ATG7: variants seen among roughly 807,000 people sequenced by gnomAD.
The protein encoded by ATG7 is autophagy related 7, also known as ubiquitin-like modifier-activating enzyme ATG7.
Under a neutral mutation model 82.4 loss-of-function variants are expected in ATG7, and 70 were observed. That is an observed-to-expected ratio of 0.85 (90% CI 0.70 to 1.04). ATG7 has a LOEUF of 1.04. Ranked by LOEUF, ATG7 falls within the 50% of genes least tolerant of loss-of-function variation. ATG7 has a pLI of 0.00. For missense variants in ATG7, 792 were observed against 864.3 expected (o/e 0.92, Z 1.05); for synonymous variants, 287 against 313.0 (o/e 0.92, Z 0.88).
At chr3:11,470,883 T>C (rs1372838366) in intron 20 of ATG7, among the ~76,000 whole-genome samples, 1 of 151,936 alleles carries the variant, frequency 6.6e-6, no homozygotes, top group Non-Finnish European at 1.5e-5. Flanking sequence ...GCCGTATTAC[T>C]CTCGTTCAGT....
the ATG7 span, among the ~76,000 whole-genome samples, chr3:11,563,349 T>C: frequency 3.3e-5 from 5 of 152,240 alleles, no homozygotes; most frequent in Non-Finnish European, 5.9e-5. Context: ...AGCATTACAA[T>C]GCCTGTTGAG....
At chr3:11,488,646 G>C (rs974497131) in intron 20 of ATG7, among the ~76,000 whole-genome samples, 2 of 152,114 alleles carry the variant, frequency 1.3e-5, no homozygotes, top group African/African-American at 4.8e-5. Context: ...CTCCGGCGCC[G>C]TGACCTCCTC....
At chr3:11,292,254 CTTTTTTT>C (rs57610397) in intron 3 of ATG7, among the ~76,000 whole-genome samples, 1 of 138,850 alleles carries the variant, frequency 7.2e-6, no homozygotes, top group Non-Finnish European at 1.6e-5. Flanking sequence ...TTCTTTCTTT[CTTTTTTT>C]TTTTTTTTTG....
chr3:11,393,877 C>A (rs994684994), intron 19 of ATG7, among the ~76,000 whole-genome samples: 1 of 152,076 alleles, frequency 6.6e-6, no homozygotes, highest in South Asian at 2.1e-4. Context: ...GATAGGGATT[C>A]GCCATGTTGC....
chr3:11,299,475 G>A, intron 5 of ATG7, 59 bp downstream of exon 5: 29 of 1,512,938 alleles, frequency 1.9e-5, no homozygotes, highest in Non-Finnish European at 2.6e-5. Context: ...CAAGGAATAA[G>A]CATGCTTGCC....
At chr3:11,416,973 C>G (rs2081421959) in intron 19 of ATG7, among the ~76,000 whole-genome samples, 1 of 152,098 alleles carries the variant, frequency 6.6e-6, no homozygotes, top group African/African-American at 2.4e-5. Flanking sequence ...TTCAACCTTA[C>G]ATATATTGAG....
chr3:11,417,800 A>ATTTTTTTTTTTTTTTTTTTTTTTT (rs1314378737), intron 19 of ATG7, among the ~76,000 whole-genome samples: 1 of 109,368 alleles, frequency 9.1e-6, no homozygotes, highest in Non-Finnish European at 1.9e-5. Flanking sequence ...TATTATTATT[A>ATTTTTTTTTTTTTTTTTTTTTTTT]TTTTATTTTA....
chr3:11,301,964 TA>T (rs1219117590), intron 5 of ATG7, among the ~76,000 whole-genome samples: 2 of 152,236 alleles, frequency 1.3e-5, no homozygotes, highest in Non-Finnish European at 2.9e-5. Context: ...TAAACTTAAT[TA>T]ATCTAAAAAT....
intron 20 of ATG7, among the ~76,000 whole-genome samples, chr3:11,485,480 A>G (rs1259379967): frequency 6.6e-6 from 1 of 151,990 alleles, no homozygotes; most frequent in African/African-American, 2.4e-5. Context: ...ATTTTCTCCC[A>G]TTTTGTGGGT....
chr3:11,300,469 C>T (rs1190258365), intron 5 of ATG7, among the ~76,000 whole-genome samples: 1 of 152,088 alleles, frequency 6.6e-6, no homozygotes, highest in Non-Finnish European at 1.5e-5. Flanking sequence ...TTGCTATCTT[C>T]TACAGAAATA....
chr3:11,316,968 A>G lies in ATG7; in HGVS notation c.678+1475A>G, dbSNP rs75787979. Among the ~76,000 whole-genome samples the G allele has an allele frequency of 8.1e-3, 1,237 of 152,088 alleles. 9 individuals carry two copies. The highest frequency in any genetic ancestry group is 0.013 in the Non-Finnish European group (909 of 67,982). ...AAAAGCACATTTTAAAATCAACTAC[A>G]TTTACATTTTATTTTTCAGAGGAAG... On this transcript the variant is annotated intron_variant, in intron 9 of 20. Coordinates refer to ENST00000693202, the MANE Select transcript of ATG7 (RefSeq NM_001349232.2).
downstream of ATG7, among the ~76,000 whole-genome samples, chr3:11,561,807 T>C (rs1248925130): frequency 1.3e-5 from 2 of 150,686 alleles, no homozygotes; most frequent in East Asian, 3.9e-4. Flanking sequence ...CCTGTGACTG[T>C]CCTCAGACAG....
intron 19 of ATG7, among the ~76,000 whole-genome samples, chr3:11,410,379 TTTGTC>T (rs60867741): frequency 0.04 from 6,096 of 152,218 alleles, 391 homozygotes; most frequent in African/African-American, 0.14. Context: ...AATTCAGAAA[TTTGTC>T]TTGTTGACAA....
At chr3:11,497,375 A>ATATATATATATATATATATATATATG in intron 20 of ATG7, among the ~76,000 whole-genome samples, 1 of 115,008 alleles carries the variant, frequency 8.7e-6, no homozygotes, top group Admixed American at 9.5e-5. Context: ...ATATATATAT[A>ATATATATATATATATATATATATATG]TATATATATA....
chr3:11,383,356 C>T (rs76106230), intron 19 of ATG7, among the ~76,000 whole-genome samples: 7,602 of 152,140 alleles, frequency 0.05, 227 homozygotes, highest in African/African-American at 0.076. Context: ...CCCTATGATT[C>T]GATTCAGGTT....
At chr3:11,276,101 A>G (rs1378456495) in intron 1 of ATG7, among the ~76,000 whole-genome samples, 3 of 152,150 alleles carry the variant, frequency 2.0e-5, no homozygotes, top group Admixed American at 2.0e-4. Context: ...CCATATCCTC[A>G]GGCAGCTCTC....
intron 20 of ATG7, among the ~76,000 whole-genome samples, chr3:11,468,119 A>G (rs1406270668): frequency 6.6e-6 from 1 of 152,242 alleles, no homozygotes; most frequent in Non-Finnish European, 1.5e-5. Flanking sequence ...AAATTCAGCT[A>G]TAGAAGAGCG....
intron 5 of ATG7, among the ~76,000 whole-genome samples, chr3:11,301,652 A>G (rs1946809498): frequency 1.3e-5 from 2 of 152,222 alleles, no homozygotes; most frequent in African/African-American, 4.8e-5. Flanking sequence ...TAAAATCCTA[A>G]TAATCTCTCT....
intron 19 of ATG7, among the ~76,000 whole-genome samples, chr3:11,398,234 A>AAT (rs1392888634): frequency 2.6e-5 from 4 of 152,204 alleles, no homozygotes; most frequent in Non-Finnish European, 5.9e-5. Context: ...ACCTAACTGA[A>AAT]ATATAGAATA....
Sources: allele counts gnomAD v4.1 joint callset (sites outside exome capture counted in the v4.1 genomes callset), GRCh38; gene constraint gnomAD v4.1.1; transcripts MANE v1.5; gene names NCBI Gene and HGNC (gene_info 2026-07-23, HGNC 2026-07-21).